The following STAG2 variants were observed in gnomAD, a reference collection of about 807,000 sequenced individuals.
STAG2 encodes the protein cohesin subunit SA-2.
STAG2 carries 14 observed loss-of-function variants against 108.1 expected under a neutral mutation model. That is an observed-to-expected ratio of 0.13 (90% CI 0.09 to 0.20). The LOEUF is 0.20. Ranked by LOEUF, STAG2 falls within the 10% of genes least tolerant of loss-of-function variation. The pLI is 1.00. For missense variants in STAG2, 440 were observed against 940.9 expected, an observed-to-expected ratio of 0.47 and a Z score of 6.96; for synonymous variants, 307 against 302.7, an observed-to-expected ratio of 1.01 and a Z score of -0.15.
Position 123,987,440 on chromosome X carries a change from G to T in STAG2, c.-163+25584G>T, listed in dbSNP as rs2055249540. Among the ~76,000 whole-genome samples the T allele has an allele frequency of 2.7e-5, 3 of 109,958 alleles. No individual in the cohort carries two copies. The South Asian group carries it at 1.2e-3, about 43-fold the overall frequency. ...ATTTTGTATTTTTAGTAGTGACGGG[G>T]TTTTGCCTTGTTGGCCAGGCTGGTC... On this transcript the variant is annotated intron_variant, in intron 1 of 34. Coordinates refer to ENST00000371145, the MANE Select transcript of STAG2 (RefSeq NM_001042750.2).
At chrX:124,047,852 A>C (rs2057919688) in intron 9 of STAG2, among the ~76,000 whole-genome samples, 1 of 111,945 alleles carries the variant, frequency 8.9e-6, no homozygotes, top group African/African-American at 3.2e-5. Flanking sequence ...AAATAAAATC[A>C]CTTTGAAAAA....
At chrX:124,072,683 T>TGG (rs1569518107) in intron 25 of STAG2, among the ~76,000 whole-genome samples, 1 of 94,933 alleles carries the variant, frequency 1.1e-5, no homozygotes, top group Non-Finnish European at 2.1e-5. Context: ...AATTATAGTG[T>TGG]TGTTGTTGTT....
At chrX:123,992,320 T>C (rs1450483324) in intron 1 of STAG2, among the ~76,000 whole-genome samples, 1 of 111,912 alleles carries the variant, frequency 8.9e-6, no homozygotes, top group Non-Finnish European at 1.9e-5. Context: ...TTTTAATCCT[T>C]TTTTACATTT....
At chrX:124,018,567 C>T (rs1428105948) in intron 1 of STAG2, among the ~76,000 whole-genome samples, 4 of 110,951 alleles carry the variant, frequency 3.6e-5, no homozygotes, top group African/African-American at 3.3e-5. Flanking sequence ...ATGGTGTGAT[C>T]ATGGCTCACT....
intron 1 of STAG2, among the ~76,000 whole-genome samples, chrX:123,973,069 GTAAAA>G (rs1470750067): frequency 4.7e-5 from 5 of 106,227 alleles, no homozygotes; most frequent in Admixed American, 3.1e-4. Flanking sequence ...AAAAACAGTA[GTAAAA>G]TAAAATAAAA....
At chrX:124,049,171 G>A in intron 10 of STAG2, 93 bp downstream of exon 10, 1 of 681,092 alleles carries the variant, frequency 1.5e-6, no homozygotes, top group South Asian at 2.7e-5. Flanking sequence ...TAAATTAGCA[G>A]GAAGAATGTT....
chrX:124,055,684 G>A (rs2058176032), intron 13 of STAG2, among the ~76,000 whole-genome samples: 1 of 111,668 alleles, frequency 9.0e-6, no homozygotes, highest in South Asian at 3.7e-4. Context: ...GTACATGGTG[G>A]ATGAAGCATT....
At chrX:124,006,731 G>T (rs750475463) in intron 1 of STAG2, among the ~76,000 whole-genome samples, 1 of 110,945 alleles carries the variant, frequency 9.0e-6, no homozygotes, top group Non-Finnish European at 1.9e-5. Context: ...GAGCCACCGT[G>T]CCCGGGCTGT....
At chrX:124,081,947 G>A (rs1438731331) in intron 28 of STAG2, among the ~76,000 whole-genome samples, 1 of 111,823 alleles carries the variant, frequency 8.9e-6, no homozygotes, top group Non-Finnish European at 1.9e-5. Context: ...CTGAGATTGC[G>A]CCACTGCACT....
chrX:124,060,781 G>A (rs1307579983), intron 15 of STAG2, among the ~76,000 whole-genome samples: 1 of 107,017 alleles, frequency 9.3e-6, no homozygotes, highest in African/African-American at 3.4e-5. Context: ...TAAATTAGCC[G>A]GGCGTGGTGG....
chrX:123,993,776 A>G (rs1033553298), intron 1 of STAG2, among the ~76,000 whole-genome samples: 21 of 111,964 alleles, frequency 1.9e-4, no homozygotes, highest in African/African-American at 6.5e-4. Context: ...ATACAGATCT[A>G]CTGAATGAGT....
chrX:124,051,803 G>C (rs185546654), intron 13 of STAG2, among the ~76,000 whole-genome samples: 105 of 111,119 alleles, frequency 9.4e-4, no homozygotes, highest in African/African-American at 3.2e-3. Flanking sequence ...TGTTAGCCAG[G>C]ATGGTCTCGA....
chrX:124,020,081 T>G (rs948577322), intron 1 of STAG2, among the ~76,000 whole-genome samples: 3 of 113,092 alleles, frequency 2.7e-5, no homozygotes, highest in African/African-American at 9.6e-5. Context: ...GCCTATGCTT[T>G]GCAAAATAAT....
Position 124,102,294 on chromosome X carries a change from C to A in STAG2, c.*1697C>A, listed in dbSNP as rs1255147642. On this transcript the variant is annotated 3_prime_UTR_variant, in exon 35 of 35. Transcript: ENST00000371145. ...AGAGGACTGTATATATGATTTTAAA[C>A]CTAAGTTGATTTTTTTTCTCACTCT... 6.3e-5 allele frequency: 10 copies of A among 157,566 alleles called. No individual in the cohort carries two copies. In the East Asian group the frequency reaches 9.6e-4, roughly 15 times the overall value. 13.0% of individuals were successfully genotyped at this position (157,566 alleles called of 1,213,427 possible).
chrX:123,966,333 G>T (rs764378137), intron 1 of STAG2, among the ~76,000 whole-genome samples: 1 of 108,574 alleles, frequency 9.2e-6, no homozygotes, highest in South Asian at 4.1e-4. Context: ...GTGGTGGTGC[G>T]CGTCTGTAGT....
At chrX:124,040,515 G>A (rs1305684191) in intron 6 of STAG2, among the ~76,000 whole-genome samples, 1 of 109,926 alleles carries the variant, frequency 9.1e-6, no homozygotes, top group Non-Finnish European at 1.9e-5. Context: ...TTAAATGAAT[G>A]GAGTTTGTGA....
intron 24 of STAG2, among the ~76,000 whole-genome samples, chrX:124,069,543 C>T (rs369467498): frequency 2.7e-5 from 3 of 111,075 alleles, no homozygotes; most frequent in African/African-American, 9.8e-5. Context: ...TTAAAAATAC[C>T]GAAGCTAATT....
At chrX:124,064,101 G>GA in intron 20 of STAG2, 50 bp downstream of exon 20, 1 of 946,391 alleles carries the variant, frequency 1.1e-6, no homozygotes. Flanking sequence ...CCCCTCTACT[G>GA]CAGTAAGCTA....
intron 29 of STAG2, among the ~76,000 whole-genome samples, chrX:124,085,088 G>A (rs1445234482): frequency 8.9e-6 from 1 of 112,142 alleles, no homozygotes; most frequent in Non-Finnish European, 1.9e-5. Flanking sequence ...TCCATCAACT[G>A]AAAATGGATC....
Sources: allele counts gnomAD v4.1 joint callset (sites outside exome capture counted in the v4.1 genomes callset), GRCh38; gene constraint gnomAD v4.1.1; transcripts MANE v1.5; gene names NCBI Gene and HGNC (gene_info 2026-07-23, HGNC 2026-07-21).